Variants in GRM5 observed in about 807,000 individuals in gnomAD.
GRM5 encodes the protein glutamate metabotropic receptor 5.
A neutral mutation model predicts 83.1 loss-of-function variants in GRM5; 19 were observed. The observed-to-expected ratio is 0.23, with a 90% CI of 0.16 to 0.34. The LOEUF is 0.34. Among genes scored for constraint, GRM5 ranks in the 10% least tolerant of loss-of-function variants. The pLI is 1.00. For missense variants in GRM5, 1,160 were observed against 1,588.3 expected (o/e 0.73, Z 4.58); for synonymous variants, 675 against 633.6 (o/e 1.07, Z -0.98).
At chr11:88,643,863 T>G (rs182436072) in intron 4 of GRM5, among the ~76,000 whole-genome samples, 1 of 152,176 alleles carries the variant, frequency 6.6e-6, no homozygotes, top group Admixed American at 6.5e-5. Flanking sequence ...GCATAAAAGA[T>G]GGCAGAAGAC....
rs780126977 is a variant in GRM5 at position 88,508,888 on chromosome 11, T to G, written c.3343A>C (p.Ile1115Leu). 1 of 1,594,746 alleles carries G rather than the reference T, an allele frequency of 6.3e-7. No homozygotes were observed. The highest frequency in any genetic ancestry group is 8.5e-7 in the Non-Finnish European group (1 of 1,171,832). ...ACTTCGATGGCCGGCAGAGGCTGGA[T>G]TTCGGCAAAGGTCGTCATGGTCGTG... is the stretch of plus-strand genomic sequence containing the variant. The part of the protein sequence containing the change: ...LPTTMTTFAE[I>L]QPLPAIEVTG... The change falls in exon 10 of 10, where the codon ATC (isoleucine) becomes CTC (leucine). Residue 1115 changes from isoleucine (I) to leucine (L), a missense_variant. By Grantham distance (5) the Ile-to-Leu change is conservative (BLOSUM62 2). This residue lies in a region of GRM5 where 562 missense variants were observed against 532.4 expected (regional missense o/e 1.06). Coordinates refer to ENST00000305447, the MANE Select transcript of GRM5 (RefSeq NM_001143831.3). This position sits in a 1 kb window ranked among gnomAD's most constrained non-coding sequence, Gnocchi z 4.2.
At chr11:88,520,547 A>T (rs1030274401) in intron 9 of GRM5, among the ~76,000 whole-genome samples, 6 of 152,286 alleles carry the variant, frequency 3.9e-5, no homozygotes, top group African/African-American at 1.4e-4. Flanking sequence ...CCTGTGTTAG[A>T]GGAGTTTTAT....
intron 2 of GRM5, among the ~76,000 whole-genome samples, chr11:88,921,057 C>T (rs1229671879): frequency 7.3e-6 from 1 of 137,434 alleles, no homozygotes; most frequent in Non-Finnish European, 1.6e-5. Flanking sequence ...CTTAATATTC[C>T]ACACTTAAAA....
intron 4 of GRM5, among the ~76,000 whole-genome samples, chr11:88,646,724 T>C (rs542034014): frequency 6.6e-6 from 1 of 151,938 alleles, no homozygotes; most frequent in Non-Finnish European, 1.5e-5. Flanking sequence ...TGAAGATATA[T>C]AGAAGCAACA....
chr11:88,606,516 G>T (rs1322045020), intron 4 of GRM5, among the ~76,000 whole-genome samples: 1 of 152,150 alleles, frequency 6.6e-6, no homozygotes, highest in Non-Finnish European at 1.5e-5. Flanking sequence ...AAGTCAGTCA[G>T]CCTCAAAACA....
intron 3 of GRM5, among the ~76,000 whole-genome samples, chr11:88,720,821 C>CATGTGTGTGT (rs1941519176): frequency 2.9e-5 from 4 of 137,148 alleles, no homozygotes; most frequent in African/African-American, 1.1e-4. Context: ...TGTGTGTGTG[C>CATGTGTGTGT]GTGTGTGTGT....
chr11:88,993,504 A>G (rs1300306929), intron 2 of GRM5, among the ~76,000 whole-genome samples: 1 of 152,096 alleles, frequency 6.6e-6, no homozygotes, highest in Non-Finnish European at 1.5e-5. Flanking sequence ...GTAGCTTTGT[A>G]ATATAGTTTG....
Position 88,893,359 on chromosome 11 carries a change from A to T in GRM5, c.662-43204T>A, listed in dbSNP as rs540917168. Among the ~76,000 whole-genome samples, 18 of 152,156 alleles carry T rather than the reference A, an allele frequency of 1.2e-4. No homozygotes were observed. In the East Asian group the frequency reaches 2.3e-3, roughly 20 times the overall value. On this transcript the variant is annotated intron_variant, in intron 2 of 9. Coordinates refer to ENST00000305447, the MANE Select transcript of GRM5 (RefSeq NM_001143831.3). ...AGAGGGATGTTTAGGAGAAGTCAGA[A>T]GATTTGAGCATGTTATAGATGGTTG...
chr11:88,809,785 A>G (rs1225522938), intron 3 of GRM5, among the ~76,000 whole-genome samples: 4 of 151,732 alleles, frequency 2.6e-5, no homozygotes, highest in Non-Finnish European at 1.5e-5. Flanking sequence ...AAAAAAGTTG[A>G]GGAGATTCTT....
chr11:88,740,886 A>C (rs1332096795), intron 3 of GRM5, among the ~76,000 whole-genome samples: 2 of 152,018 alleles, frequency 1.3e-5, no homozygotes, highest in Non-Finnish European at 2.9e-5. Flanking sequence ...CTAGCCACAG[A>C]GGTAAGTCCT....
chr11:88,546,633 G>A (rs190353152), intron 8 of GRM5, among the ~76,000 whole-genome samples: 9 of 152,118 alleles, frequency 5.9e-5, no homozygotes, highest in African/African-American at 1.7e-4. Context: ...CTTAATATGG[G>A]CCCTATGTGT....
At chr11:88,993,434 A>G (rs892904655) in intron 2 of GRM5, among the ~76,000 whole-genome samples, 1 of 152,028 alleles carries the variant, frequency 6.6e-6, no homozygotes, top group African/African-American at 2.4e-5. Context: ...TGGGCTCTCT[A>G]TTTTGTGCTA....
intron 3 of GRM5, among the ~76,000 whole-genome samples, chr11:88,722,132 G>A (rs1284514453): frequency 6.6e-6 from 1 of 152,108 alleles, no homozygotes; most frequent in East Asian, 1.9e-4. Flanking sequence ...TCATTGCCTG[G>A]CTGAGAATTA....
chr11:88,925,355 T>C (rs1945771178), intron 2 of GRM5, among the ~76,000 whole-genome samples: 1 of 151,976 alleles, frequency 6.6e-6, no homozygotes, highest in Non-Finnish European at 1.5e-5. Flanking sequence ...AGAAACTAGC[T>C]TCATCTCCCA....
intron 2 of GRM5, among the ~76,000 whole-genome samples, chr11:88,861,490 G>C (rs1314410303): frequency 6.6e-6 from 1 of 151,960 alleles, no homozygotes; most frequent in Non-Finnish European, 1.5e-5. Flanking sequence ...TCTGAGACAA[G>C]GTTTCACCCC....
chr11:88,613,406 G>T (rs1161476208), intron 4 of GRM5, among the ~76,000 whole-genome samples: 1 of 152,104 alleles, frequency 6.6e-6, no homozygotes, highest in Admixed American at 6.6e-5. Context: ...ATACATTTAG[G>T]ATAGTTGAGT....
rs146612214 is a variant in GRM5, at chr11:88,904,856, T to C, written c.662-54701A>G. ...TACCATTCAATTCACCGCAGAGGTATTTATTGGAAAAATGTGTATTGGAAA... is the reference window on the plus strand; with the variant it reads ...TACCATTCAATTCACCGCAGAGGTACTTATTGGAAAAATGTGTATTGGAAA... On this transcript the variant is annotated intron_variant, in intron 2 of 9. Coordinates refer to ENST00000305447, the MANE Select transcript of GRM5 (RefSeq NM_001143831.3). 9.6e-4 allele frequency among the ~76,000 whole-genome samples: 146 copies of C among 152,316 alleles called. 3 individuals are homozygous for C. In the East Asian group the frequency reaches 0.026, roughly 27 times the overall value.
At chr11:88,537,369 G>A (rs1326400432) in intron 8 of GRM5, among the ~76,000 whole-genome samples, 2 of 152,162 alleles carry the variant, frequency 1.3e-5, no homozygotes, top group Non-Finnish European at 2.9e-5. Context: ...GGCTGTAAAA[G>A]AGGCATCACT....
intron 3 of GRM5, among the ~76,000 whole-genome samples, chr11:88,674,662 C>T (rs1274350204): frequency 2.0e-5 from 3 of 151,858 alleles, no homozygotes; most frequent in Non-Finnish European, 4.4e-5. Context: ...GAATCTGCTC[C>T]TTCCAGAGAC....
Sources: allele counts gnomAD v4.1 joint callset (sites outside exome capture counted in the v4.1 genomes callset), GRCh38; gene constraint gnomAD v4.1.1; regional missense constraint gnomAD v4.1.1; non-coding constraint Gnocchi (gnomAD v3.1); transcripts MANE v1.5; gene names NCBI Gene and HGNC (gene_info 2026-07-23, HGNC 2026-07-21).